The following ABLIM1 variants were observed in gnomAD, a reference collection of about 807,000 sequenced individuals.
ABLIM1 encodes the protein actin-binding LIM protein 1.
ABLIM1 carries 40 observed loss-of-function variants against 107.0 expected under a neutral mutation model. The observed-to-expected ratio is 0.37, with a 90% CI of 0.29 to 0.49. The LOEUF (loss-of-function observed/expected upper bound fraction) is 0.49, where lower values mean the gene tolerates loss of function less well. Among genes scored for constraint, ABLIM1 ranks in the 20% least tolerant of loss-of-function variants. ABLIM1 has a pLI of 0.97. For missense variants in ABLIM1, 857 were observed against 1,008.5 expected (o/e 0.85, Z 2.04); for synonymous variants, 357 against 357.3 (o/e 1.00, Z 0.01).
intron 3 of ABLIM1, among the ~76,000 whole-genome samples, chr10:114,574,291 G>A (rs1175242714): frequency 6.6e-6 from 1 of 152,136 alleles, no homozygotes; most frequent in African/African-American, 2.4e-5. Flanking sequence ...CTGACCCTTG[G>A]TGGTGAGTCT....
At chr10:114,448,709 G>T (rs906696923) in intron 14 of ABLIM1, among the ~76,000 whole-genome samples, 42 of 152,026 alleles carry the variant, frequency 2.8e-4, no homozygotes, top group Non-Finnish European at 1.6e-4. Flanking sequence ...TGTCTCCCAG[G>T]TTCAAGGGAT....
At chr10:114,777,949 A>T in the ABLIM1 span, 10 of 152,238 alleles carry the variant, frequency 6.6e-5, no homozygotes, top group African/African-American at 2.4e-4. Context: ...TCTTTTTCTT[A>T]GGTGTTGCAG....
rs765092985 is a variant in ABLIM1 at position 114,441,702 on chromosome 10, GA to G, written c.1998+19del. ...AGGTGGGAGTAAAGGCAGAAACAAT[GA>G]ATCGGGGAGAAATCTTACCCGGTGA... On this transcript the variant is annotated intron_variant, in intron 18 of 22. Transcript: ENST00000533213. 10 of 1,607,190 alleles carry G rather than the reference GA, an allele frequency of 6.2e-6. No individual in the cohort carries two copies. Among genetic ancestry groups the G allele is most frequent in the Non-Finnish European group, 8.5e-6 (10 of 1,173,682 alleles).
chr10:114,650,872 G>A (rs1009690637), intron 1 of ABLIM1, among the ~76,000 whole-genome samples: 2 of 152,018 alleles, frequency 1.3e-5, no homozygotes, highest in African/African-American at 2.4e-5. Flanking sequence ...AGTATTTATC[G>A]AGCTCCAACT....
At chr10:114,739,908 C>A (rs2082253138) in intron 1 of ABLIM1, among the ~76,000 whole-genome samples, 2 of 152,006 alleles carry the variant, frequency 1.3e-5, no homozygotes, top group South Asian at 4.1e-4. Flanking sequence ...GGGCATATTT[C>A]TATTAATAAA....
At chr10:114,587,013 T>G (rs367628720) in intron 2 of ABLIM1, among the ~76,000 whole-genome samples, 21 of 152,344 alleles carry the variant, frequency 1.4e-4, no homozygotes, top group African/African-American at 4.8e-4. Context: ...CAAATATCCA[T>G]GCACTTTATA....
intron 6 of ABLIM1, among the ~76,000 whole-genome samples, chr10:114,540,453 G>A (rs548943000): frequency 5.3e-5 from 8 of 152,244 alleles, no homozygotes; most frequent in South Asian, 4.2e-4. Context: ...GCTGGTGCTC[G>A]GGCCCGTCTC....
chr10:114,642,470 C>G (rs1009402273), intron 1 of ABLIM1, among the ~76,000 whole-genome samples: 4 of 152,146 alleles, frequency 2.6e-5, no homozygotes, highest in African/African-American at 9.7e-5. Flanking sequence ...GATAAAATAT[C>G]TAATTCCTAG....
chr10:114,681,617 C>G (rs2080754534), intron 1 of ABLIM1, among the ~76,000 whole-genome samples: 1 of 152,228 alleles, frequency 6.6e-6, no homozygotes, highest in Non-Finnish European at 1.5e-5. Context: ...CTCTACGCCA[C>G]TTCAATTCAC....
chr10:114,439,290 G>A, intron 20 of ABLIM1, 40 bp from the exon 21 acceptor site: 2 of 1,610,576 alleles, frequency 1.2e-6, no homozygotes, highest in Non-Finnish European at 8.5e-7. Flanking sequence ...GCATGAAATA[G>A]TCTAGGAAAC....
chr10:114,432,576 C>A lies in ABLIM1; in HGVS notation c.*3684G>T, dbSNP rs1054351920. The A allele has an allele frequency of 6.6e-6, 1 of 152,168 alleles. No homozygotes were observed. Among genetic ancestry groups the A allele is most frequent in the African/African-American group, 2.4e-5 (1 of 41,446 alleles). 9.4% of individuals were successfully genotyped at this position (152,168 alleles called of 1,614,324 possible). A position where few individuals can be genotyped will look rare whatever the true frequency, so the allele number is the denominator to read the frequency against. The stretch of plus-strand genomic sequence containing the variant: ...AATTCTTAGAAAAAAATGTTTGCTT[C>A]AATGTCTAAAGAAATCCAGTGAAAG... On this transcript the variant is annotated 3_prime_UTR_variant, in exon 23 of 23. Coordinates refer to ENST00000533213, the MANE Select transcript of ABLIM1 (RefSeq NM_002313.7).
intron 1 of ABLIM1, among the ~76,000 whole-genome samples, chr10:114,693,916 C>T (rs2081141600): frequency 6.6e-6 from 1 of 151,588 alleles, no homozygotes; most frequent in Non-Finnish European, 1.5e-5. Context: ...TCCCGCCTTG[C>T]CCTCCCAAAG....
intron 1 of ABLIM1, among the ~76,000 whole-genome samples, chr10:114,657,693 C>T (rs1322359189): frequency 6.6e-6 from 1 of 152,128 alleles, no homozygotes; most frequent in Non-Finnish European, 1.5e-5. Flanking sequence ...CTATTACTGA[C>T]AATTATTCAT....
At chr10:114,634,577 G>C (rs2140829617) in intron 1 of ABLIM1, among the ~76,000 whole-genome samples, 1 of 152,300 alleles carries the variant, frequency 6.6e-6, no homozygotes, top group East Asian at 1.9e-4. Flanking sequence ...AGGCTCTCTG[G>C]CAGCTTTGGA....
At chr10:114,513,677 T>C (rs1288258815) in intron 6 of ABLIM1, among the ~76,000 whole-genome samples, 1 of 152,080 alleles carries the variant, frequency 6.6e-6, no homozygotes, top group Non-Finnish European at 1.5e-5. Flanking sequence ...GCAAAGGGTA[T>C]CCCTCATAAG....
intron 1 of ABLIM1, among the ~76,000 whole-genome samples, chr10:114,602,610 A>C (rs775489337): frequency 2.0e-5 from 3 of 152,202 alleles, no homozygotes; most frequent in Admixed American, 6.5e-5. Flanking sequence ...ATAGTGTCTG[A>C]TACACACACT....
At chr10:114,646,088 T>C (rs1240609025) in intron 1 of ABLIM1, among the ~76,000 whole-genome samples, 1 of 152,116 alleles carries the variant, frequency 6.6e-6, no homozygotes, top group East Asian at 1.9e-4. Context: ...TCTAGCAAGA[T>C]GAAAACACTC....
intron 6 of ABLIM1, among the ~76,000 whole-genome samples, chr10:114,527,992 CA>C (rs2065032864): frequency 1.3e-5 from 2 of 152,118 alleles, no homozygotes; most frequent in Admixed American, 1.3e-4. Context: ...TATGCACCAC[CA>C]CACCCAGCTA....
At chr10:114,663,011 G>A (rs551425493), upstream of ABLIM1, among the ~76,000 whole-genome samples, 47 of 152,254 alleles carry the variant, frequency 3.1e-4, no homozygotes, top group African/African-American at 1.1e-3. Context: ...AATCTCCTCC[G>A]TAGAATCAGA....
Sources: allele counts gnomAD v4.1 joint callset (sites outside exome capture counted in the v4.1 genomes callset), GRCh38; gene constraint gnomAD v4.1.1; transcripts MANE v1.5; gene names NCBI Gene and HGNC (gene_info 2026-07-23, HGNC 2026-07-21).